PCNT: variants seen among roughly 807,000 people sequenced by gnomAD.
The protein encoded by PCNT is pericentrin.
In PCNT, 319 loss-of-function variants were observed where a neutral mutation model predicts 380.4. The ratio of observed to expected loss-of-function variants is 0.84; its 90% CI spans 0.77 to 0.92. The LOEUF (loss-of-function observed/expected upper bound fraction) is 0.92. PCNT is among the 40% of genes least tolerant of loss of function. The pLI, the probability that PCNT is intolerant of heterozygous loss-of-function variation, is 0.00. For synonymous variants in PCNT, 1,845 were observed against 1,735.2 expected, an observed-to-expected ratio of 1.06 and a Z score of -1.57; for missense variants, 4,400 against 4,255.3, an observed-to-expected ratio of 1.03 and a Z score of -0.95.
rs561226491 is a variant in PCNT at position 46,351,322 on chromosome 21, C to CT, written c.1345-103dup. 3.1e-4 allele frequency: 238 copies of CT among 769,304 alleles called. 2 individuals are homozygous for CT. The South Asian group carries it at 3.2e-3, about 10-fold the overall frequency. The allele number at this position is 769,304 out of a possible 1,614,324, so 47.7% of individuals were successfully genotyped here. ...CCGAGCTGCAGGTTTGGGATGTGAG[C>CT]TTTTACCCTTAGGATCGCAGTGGCA... On this transcript the variant is annotated intron_variant, in intron 8 of 46. Transcript: ENST00000359568.
intron 21 of PCNT, among the ~76,000 whole-genome samples, chr21:46,392,873 T>C (rs377333637): frequency 6.6e-6 from 1 of 152,234 alleles, no homozygotes; most frequent in South Asian, 2.1e-4. Flanking sequence ...TCCCCTCGTG[T>C]ATCTTTTCTT....
chr21:46,430,584 C>T lies in PCNT; in HGVS notation c.7991C>T (p.Ala2664Val), dbSNP rs1433639155. 2 of 1,563,518 alleles carry T rather than the reference C, an allele frequency of 1.3e-6. No homozygotes were observed. Among genetic ancestry groups the T allele is most frequent in the Non-Finnish European group, 1.7e-6 (2 of 1,154,480 alleles). ...ELESEQGKGR[A>V]LQSQLEEEQL... ...GAGAGTGAGCAGGGGAAGGGGCGTG[C>T]CCTGCAGAGCCAGCTGGAGGAGGAG... The change falls in exon 37 of 47, where the codon GCC (alanine) becomes GTC (valine). Residue 2664 changes from alanine (A) to valine (V), a missense_variant. Physicochemically the swap from Ala to Val is moderately conservative, Grantham distance 64 (BLOSUM62 0). Coordinates refer to ENST00000359568, the MANE Select transcript of PCNT (RefSeq NM_006031.6).
intron 31 of PCNT, among the ~76,000 whole-genome samples, chr21:46,418,854 G>A (rs1031567922): frequency 5.9e-5 from 9 of 152,220 alleles, no homozygotes; most frequent in Non-Finnish European, 8.8e-5. Flanking sequence ...GGGGGGCTGC[G>A]TCTCCCCGGA....
rs140912550 is a variant in PCNT, at chr21:46,425,875, G to A, written c.7224G>A (p.Ala2408=). 153 of 1,613,720 alleles carry A rather than the reference G, an allele frequency of 9.5e-5. No individual in the cohort carries two copies. In the African/African-American group the frequency reaches 9.7e-4, roughly 10 times the overall value. ...MVRDESHQIL[A]LSEGLAPPSG... ...GTGACGAGAGCCACCAGATCCTGGC[G>A]CTGTCAGAAGGCCTTGCACCCCCAA... Residue 2408 remains alanine (A), a synonymous_variant, in exon 33 of 47, where the codon GCG becomes GCA. Coordinates refer to ENST00000359568, the MANE Select transcript of PCNT (RefSeq NM_006031.6). The surrounding 1 kb of genome is among the most constrained non-coding windows in gnomAD (Gnocchi z 4.2).
intron 31 of PCNT, among the ~76,000 whole-genome samples, chr21:46,421,417 C>T (rs765574414): frequency 1.3e-5 from 2 of 151,808 alleles, no homozygotes; most frequent in Admixed American, 6.5e-5. Context: ...TGTGGGCTGG[C>T]GCAGCTGCAG....
chr21:46,364,878 G>T (rs187368122), intron 14 of PCNT, among the ~76,000 whole-genome samples: 108 of 152,378 alleles, frequency 7.1e-4, no homozygotes, highest in African/African-American at 2.4e-3. Context: ...GTTCGTGGTA[G>T]AGCTGAACCA....
At chr21:46,325,693 G>C (rs2083369471) in intron 1 of PCNT, among the ~76,000 whole-genome samples, 1 of 152,226 alleles carries the variant, frequency 6.6e-6, no homozygotes, top group African/African-American at 2.4e-5. Flanking sequence ...GTGAAAGGCT[G>C]ATGTGGGATC....
At position 46,440,980 on chromosome 21, in the gene PCNT, G is replaced by A. The variant is rs748060594; in HGVS notation, c.9519G>A (p.Met3173Ile). ...FQDSEQETLS[M>I]IAHLGVFPSK... ...ATTCTGAACAAGAAACACTCTCCAT[G>A]ATTGCCCATTTGGGGGTATTTCCTT... is the stretch of plus-strand genomic sequence containing the variant. The change falls in exon 43 of 47, where the codon ATG (methionine) becomes ATA (isoleucine). Residue 3173 changes from methionine to isoleucine, a missense_variant. Coordinates refer to ENST00000359568, the MANE Select transcript of PCNT (RefSeq NM_006031.6). 6.2e-7 allele frequency: 1 copy of A among 1,613,842 alleles called. No individual in the cohort carries two copies. Among genetic ancestry groups the A allele is most frequent in the African/African-American group, 1.3e-5 (1 of 75,048 alleles).
At chr21:46,423,630 TA>T (rs2087346765) in intron 32 of PCNT, among the ~76,000 whole-genome samples, 1 of 139,600 alleles carries the variant, frequency 7.2e-6, no homozygotes, top group African/African-American at 2.8e-5. Context: ...TTTCATAATT[TA>T]AAAAGAAAAG....
chr21:46,381,644 A>C, intron 15 of PCNT, 50 bp from the exon 16 acceptor site: 1 of 1,559,868 alleles, frequency 6.4e-7, no homozygotes, highest in Non-Finnish European at 8.8e-7. Context: ...ACAGCAAAGA[A>C]AGTATTTTTC....
chr21:46,328,771 A>G (rs1601742238), intron 2 of PCNT, among the ~76,000 whole-genome samples: 1 of 142,502 alleles, frequency 7.0e-6, no homozygotes, highest in Admixed American at 7.1e-5. Flanking sequence ...CTCTGGTTGC[A>G]CATACTTTTT....
rs777007681 is a variant in PCNT at position 46,416,242 on chromosome 21, C to T, written c.6324C>T (p.Ser2108=). 2.7e-5 allele frequency: 43 copies of T among 1,614,066 alleles called. No homozygotes were observed. Among genetic ancestry groups the T allele is most frequent in the Non-Finnish European group, 3.6e-5 (42 of 1,180,024 alleles). Residue 2108 remains serine, a synonymous_variant, in exon 30 of 47, where the codon AGC becomes AGT. Transcript: ENST00000359568. Reference sequence around the variant, plus strand: ...TGGCCTCAGCACACCTGTTGGAGAGCAGCTGGAGTGATGATTCCTGTGACG... The same window carrying T: ...TGGCCTCAGCACACCTGTTGGAGAGTAGCTGGAGTGATGATTCCTGTGACG... ...WPMASAHLLE[S]SWSDDSCDGE... is the part of the protein sequence containing the mutation.
intron 3 of PCNT, among the ~76,000 whole-genome samples, chr21:46,335,761 C>A (rs2083715234): frequency 6.7e-6 from 1 of 149,876 alleles, no homozygotes; most frequent in African/African-American, 2.5e-5. Context: ...TCTTGGCTTA[C>A]TGTAACCTCC....
rs2086002722 is a variant in PCNT, at chr21:46,390,686, A to G, written c.3857A>G (p.Gln1286Arg). ...TTTTAACAGCTGGAAGAAGCACGCC[A>G]AATTCATTCTCGTTTTGAAAAAGAA... is the stretch of plus-strand genomic sequence containing the variant. ...DSSRQLEEAR[Q>R]IHSRFEKEFS... The change falls in exon 20 of 47, where the codon CAA (glutamine) becomes CGA (arginine). Residue 1286 changes from glutamine (Q) to arginine (R), a missense_variant. By Grantham distance (43) the Gln-to-Arg change is conservative. Coordinates refer to ENST00000359568, the MANE Select transcript of PCNT (RefSeq NM_006031.6). The G allele has an allele frequency of 6.2e-7, 1 of 1,614,180 alleles. No homozygotes were observed. Among genetic ancestry groups the G allele is most frequent in the African/African-American group, 1.3e-5 (1 of 75,060 alleles).
At chr21:46,365,794 C>T (rs537554380) in intron 14 of PCNT, among the ~76,000 whole-genome samples, 2 of 145,890 alleles carry the variant, frequency 1.4e-5, no homozygotes, top group Non-Finnish European at 3.0e-5. Context: ...CCATAGGGTT[C>T]TATTCACTGC....
At chr21:46,370,918 C>T (rs903379354) in intron 15 of PCNT, among the ~76,000 whole-genome samples, 3 of 152,078 alleles carry the variant, frequency 2.0e-5, no homozygotes, top group African/African-American at 7.2e-5. Context: ...GCCTGTAGTC[C>T]CAGCTATTCT....
intron 29 of PCNT, among the ~76,000 whole-genome samples, 171 bp downstream of exon 29, chr21:46,413,163 C>T (rs1411236760): frequency 1.5e-5 from 2 of 133,878 alleles, no homozygotes; most frequent in Non-Finnish European, 3.2e-5. Flanking sequence ...GCTGGACACG[C>T]GGCAGCAAGG....
intron 17 of PCNT, among the ~76,000 whole-genome samples, chr21:46,386,922 C>A (rs900925111): frequency 6.6e-6 from 1 of 152,120 alleles, no homozygotes. Context: ...CCGCCCGAGG[C>A]CTCTGTGTCC....
chr21:46,424,659 C>G (rs2087410496), intron 32 of PCNT, among the ~76,000 whole-genome samples: 1 of 152,086 alleles, frequency 6.6e-6, no homozygotes, highest in Non-Finnish European at 1.5e-5. Flanking sequence ...AGAGAGGGGC[C>G]AAGCAGCTTC....
Sources: allele counts gnomAD v4.1 joint callset (sites outside exome capture counted in the v4.1 genomes callset), GRCh38; gene constraint gnomAD v4.1.1; non-coding constraint Gnocchi (gnomAD v3.1); transcripts MANE v1.5; gene names NCBI Gene and HGNC (gene_info 2026-07-23, HGNC 2026-07-21).